EIF2AK3: variants seen among roughly 807,000 people sequenced by gnomAD.
EIF2AK3 encodes eukaryotic translation initiation factor 2-alpha kinase 3.
EIF2AK3 carries 50 observed loss-of-function variants against 113.5 expected under a neutral mutation model. The observed-to-expected ratio is 0.44, with a 90% CI of 0.35 to 0.56. EIF2AK3 has a LOEUF of 0.56. EIF2AK3 is among the 20% of genes least tolerant of loss of function. The pLI, the probability that EIF2AK3 is intolerant of heterozygous loss-of-function variation, is 0.00. For synonymous variants in EIF2AK3, 448 were observed against 495.4 expected (o/e 0.90, Z 1.27); for missense variants, 1,185 against 1,378.0 (o/e 0.86, Z 2.22).
Position 88,593,417 on chromosome 2 carries a change from A to G in EIF2AK3, c.634-12T>C. On this transcript the variant is annotated splice_polypyrimidine_tract_variant and intron_variant, in intron 3 of 16. Transcript: ENST00000303236. Reference sequence around the variant, plus strand: ...CAGATATACCTCACCTGAAAAGACAAAATTAGATACAAAATTAGTAAAAGG... The same window carrying G: ...CAGATATACCTCACCTGAAAAGACAGAATTAGATACAAAATTAGTAAAAGG... The G allele has an allele frequency of 1.2e-6, 2 of 1,613,850 alleles. No individual in the cohort carries two copies. The highest frequency in any genetic ancestry group is 1.7e-6 in the Non-Finnish European group (2 of 1,179,846).
At chr2:88,562,756 T>G (rs1673999714) in intron 14 of EIF2AK3, among the ~76,000 whole-genome samples, 1 of 152,220 alleles carries the variant, frequency 6.6e-6, no homozygotes, top group South Asian at 2.1e-4. Flanking sequence ...AAGCAAATCT[T>G]TCATTTCTAA....
chr2:88,559,998 CTA>C (rs1384736489), intron 15 of EIF2AK3, among the ~76,000 whole-genome samples: 6 of 152,118 alleles, frequency 3.9e-5, no homozygotes, highest in Admixed American at 2.6e-4. Flanking sequence ...TATGGTAATT[CTA>C]TGTTTAACTG....
chr2:88,593,285 T>C lies in EIF2AK3; in HGVS notation c.754A>G (p.Ser252Gly). The C allele has an allele frequency of 6.2e-7, 1 of 1,614,108 alleles. No individual in the cohort carries two copies. The highest frequency in any genetic ancestry group is 1.1e-5 in the South Asian group (1 of 91,072). Residue 252 changes from serine (S) to glycine (G), a missense_variant, in exon 4 of 17, where the codon AGT (serine) becomes GGT (glycine). Ser to Gly is a moderately conservative substitution (Grantham distance 56, BLOSUM62 0). Coordinates refer to ENST00000303236, the MANE Select transcript of EIF2AK3 (RefSeq NM_004836.7). The part of the protein sequence containing the change: ...QKTVRAVGPR[S>G]GNEKWNFSVG... ...CTGAATACACACTTCTCATTGCCACTGCGAGGTCCGACAGCTCTAACAGTT... is the reference window on the plus strand; with the variant it reads ...CTGAATACACACTTCTCATTGCCACCGCGAGGTCCGACAGCTCTAACAGTT...
intron 16 of EIF2AK3, among the ~76,000 whole-genome samples, 155 bp from the exon 17 acceptor site, chr2:88,558,091 G>A (rs560583783): frequency 7.3e-4 from 111 of 152,200 alleles, no homozygotes; most frequent in South Asian, 5.0e-3. Flanking sequence ...CAGCTCTGCC[G>A]TCAATGCACA....
rs1221848453 is a variant in EIF2AK3 at position 88,575,407 on chromosome 2, T to C, written c.2076A>G (p.Ala692=). 1 of 1,611,646 alleles carries C rather than the reference T, an allele frequency of 6.2e-7. No individual in the cohort carries two copies. The highest frequency in any genetic ancestry group is 1.3e-5 in the African/African-American group (1 of 75,034). Residue 692 remains alanine (A), a synonymous_variant, in exon 13 of 17, where the codon GCA becomes GCG. Transcript: ENST00000303236. Reference sequence around the variant, plus strand: ...CCATTCTGCGTATTTTAACTGATGGTGCATCCATTGGGCTAGGAGAGCTGA... The same window carrying C: ...CCATTCTGCGTATTTTAACTGATGGCGCATCCATTGGGCTAGGAGAGCTGA... ...WPLSSPSPMD[A]PSVKIRRMDP... is the part of the protein sequence containing the mutation.
chr2:88,624,437 G>A (rs1315715405), intron 1 of EIF2AK3, among the ~76,000 whole-genome samples: 1 of 152,202 alleles, frequency 6.6e-6, no homozygotes, highest in Non-Finnish European at 1.5e-5. Context: ...CTTGCAATTT[G>A]AGTATTGTCT....
Position 88,583,453 on chromosome 2 carries a change from T to A in EIF2AK3, c.1740A>T (p.Ile580=), listed in dbSNP as rs1385257447. The change falls in exon 10 of 17, where the codon ATA becomes ATT. Residue 580 remains isoleucine, a synonymous_variant. Coordinates refer to ENST00000303236, the MANE Select transcript of EIF2AK3 (RefSeq NM_004836.7). ...ACCGTGATATATATCCAGAGTTTTT[T>A]ATGTCATTCCAGCTACTGTCATTGG... ...GEANDSSWND[I]KNSGYISRYL... is the part of the protein sequence containing the mutation. 8 of 1,612,952 alleles carry A rather than the reference T, an allele frequency of 5.0e-6. No individual in the cohort carries two copies. Among genetic ancestry groups the A allele is most frequent in the Non-Finnish European group, 5.9e-6 (7 of 1,179,378 alleles).
At chr2:88,609,363 G>A (rs1324065588) in intron 2 of EIF2AK3, among the ~76,000 whole-genome samples, 1 of 152,158 alleles carries the variant, frequency 6.6e-6, no homozygotes, top group Admixed American at 6.5e-5. Flanking sequence ...AGGTATAAAA[G>A]CAATGCTGAC....
chr2:88,613,756 A>G lies in EIF2AK3; in HGVS notation c.406T>C (p.Ser136Pro). The G allele has an allele frequency of 6.2e-7, 1 of 1,614,176 alleles. No homozygotes were observed. Residue 136 changes from serine to proline, a missense_variant, in exon 2 of 17, where the codon TCC becomes CCC. Transcript: ENST00000303236. ...TTGCTAAGGCTGGATGACACCAAGG[A>G]ACCGGATCCCACATCCAAATCCCAC... ...KQWDLDVGSG[S>P]LVSSSLSKPE...
intron 14 of EIF2AK3, among the ~76,000 whole-genome samples, chr2:88,569,451 T>G (rs1276835134): frequency 6.6e-6 from 1 of 152,160 alleles, no homozygotes; most frequent in African/African-American, 2.4e-5. Context: ...AGTTGAGCTT[T>G]TAAGTGAAAA....
At chr2:88,609,818 G>C (rs557070128) in intron 2 of EIF2AK3, among the ~76,000 whole-genome samples, 209 of 151,882 alleles carry the variant, frequency 1.4e-3, no homozygotes, top group Middle Eastern at 3.4e-3. Flanking sequence ...TAGAATACTG[G>C]AAAACTTGGG....
intron 9 of EIF2AK3, among the ~76,000 whole-genome samples, 172 bp downstream of exon 9, chr2:88,585,669 T>G (rs1674702209): frequency 6.6e-6 from 1 of 152,128 alleles, no homozygotes; most frequent in Non-Finnish European, 1.5e-5. Flanking sequence ...GAGGTTCAGT[T>G]AGATAAGGAC....
intron 4 of EIF2AK3, among the ~76,000 whole-genome samples, chr2:88,592,082 A>G (rs1454285569): frequency 6.6e-6 from 1 of 152,244 alleles, no homozygotes; most frequent in Non-Finnish European, 1.5e-5. Context: ...CATTTTCAAA[A>G]GATAAAGATG....
chr2:88,592,078 CA>C (rs574797531), intron 4 of EIF2AK3, among the ~76,000 whole-genome samples: 235 of 152,132 alleles, frequency 1.5e-3, no homozygotes, highest in Non-Finnish European at 2.9e-3. Flanking sequence ...GGTTCATTTT[CA>C]AAAGATAAAG....
At chr2:88,626,896 C>G (rs1675876034) in intron 1 of EIF2AK3, 71 bp downstream of exon 1, 1 of 1,562,084 alleles carries the variant, frequency 6.4e-7, no homozygotes, top group Admixed American at 1.8e-5. Flanking sequence ...GGATCTCCGC[C>G]CCCCTACACC....
rs1573419663 is a variant in EIF2AK3, at chr2:88,611,029, A to G, written c.438+2695T>C. ...TCACACCATTGCACTCCAGCCTGAT[A>G]AAAAGCTCTTTAGAGCCCTCAATAA... On this transcript the variant is annotated intron_variant, in intron 2 of 16. Coordinates refer to ENST00000303236, the MANE Select transcript of EIF2AK3 (RefSeq NM_004836.7). 2.0e-5 allele frequency among the ~76,000 whole-genome samples: 3 copies of G among 152,182 alleles called. No individual in the cohort carries two copies. In the East Asian group the frequency reaches 5.8e-4, roughly 29 times the overall value.
intron 1 of EIF2AK3, among the ~76,000 whole-genome samples, chr2:88,617,031 A>G (rs568998760): frequency 6.6e-6 from 1 of 152,338 alleles, no homozygotes; most frequent in African/African-American, 2.4e-5. Context: ...ATTAAGAAGC[A>G]CCACCGGAGC....
intron 3 of EIF2AK3, among the ~76,000 whole-genome samples, chr2:88,593,726 T>TA (rs1238972372): frequency 8.5e-5 from 13 of 152,250 alleles, no homozygotes; most frequent in Middle Eastern, 3.4e-3. Flanking sequence ...ATATCATTAA[T>TA]AAAATTTCAG....
intron 12 of EIF2AK3, 78 bp downstream of exon 12, chr2:88,576,475 TC>T (rs1674460697): frequency 3.7e-5 from 58 of 1,562,650 alleles, no homozygotes; most frequent in Middle Eastern, 1.7e-4. Flanking sequence ...AAAAAAAAAA[TC>T]CCTAAAGTTA....
Sources: gnomAD v4.1 joint callset for allele counts (sites outside exome capture counted in the v4.1 genomes callset) on GRCh38, gnomAD v4.1.1 for gene constraint, MANE v1.5 for transcripts, NCBI Gene and HGNC (gene_info 2026-07-23, HGNC 2026-07-21) for gene names.